RBMS3: variants seen among roughly 807,000 people sequenced by gnomAD.
RBMS3 encodes the protein RNA binding motif single stranded interacting protein 3.
A neutral mutation model predicts 66.8 loss-of-function variants in RBMS3; 27 were observed. The observed-to-expected ratio is 0.40, with a 90% CI of 0.30 to 0.56. The LOEUF is 0.56. Ranked by LOEUF, RBMS3 falls within the 20% of genes least tolerant of loss-of-function variation. RBMS3 has a pLI of 0.40. For missense variants in RBMS3, 513 were observed against 549.5 expected (o/e 0.93, Z 0.66); for synonymous variants, 188 against 183.0 (o/e 1.03, Z -0.22).
chr3:29,359,623 T>A (rs891569251), intron 1 of RBMS3, among the ~76,000 whole-genome samples: 16 of 152,120 alleles, frequency 1.1e-4, no homozygotes, highest in Non-Finnish European at 2.1e-4. Context: ...AAGGAATGGT[T>A]CCAGCTCCTT....
chr3:29,941,480 C>T (rs1033141326), intron 11 of RBMS3, among the ~76,000 whole-genome samples: 7 of 151,580 alleles, frequency 4.6e-5, no homozygotes, highest in African/African-American at 1.7e-4. Context: ...TTAATTAAAA[C>T]ACTCAAATAC....
chr3:29,515,564 C>T (rs568118395), intron 3 of RBMS3, among the ~76,000 whole-genome samples: 23 of 152,164 alleles, frequency 1.5e-4, no homozygotes, highest in Non-Finnish European at 2.6e-4. Context: ...AGGATGTATC[C>T]TTTCTCTTGC....
At chr3:29,688,471 C>T (rs1447743519) in intron 4 of RBMS3, among the ~76,000 whole-genome samples, 1 of 151,286 alleles carries the variant, frequency 6.6e-6, no homozygotes, top group Non-Finnish European at 1.5e-5. Flanking sequence ...GAGGGTAGAT[C>T]CCACATTGTG....
intron 10 of RBMS3, among the ~76,000 whole-genome samples, chr3:29,917,961 A>G (rs1344705281): frequency 1.3e-5 from 2 of 152,148 alleles, no homozygotes; most frequent in African/African-American, 2.4e-5. Flanking sequence ...TCATGAGGCA[A>G]TTATATAATA....
chr3:29,760,372 G>A (rs965654117), intron 5 of RBMS3, among the ~76,000 whole-genome samples: 2 of 151,904 alleles, frequency 1.3e-5, no homozygotes, highest in Non-Finnish European at 2.9e-5. Context: ...TAGGACTCTT[G>A]CAAGCAAGCT....
At chr3:29,577,695 G>A (rs2047168815) in intron 3 of RBMS3, among the ~76,000 whole-genome samples, 1 of 152,174 alleles carries the variant, frequency 6.6e-6, no homozygotes, top group South Asian at 2.1e-4. Flanking sequence ...CTGTGGCAGG[G>A]CAGCACTGAG....
At chr3:29,924,232 A>G (rs759216937) in intron 10 of RBMS3, among the ~76,000 whole-genome samples, 21 of 152,162 alleles carry the variant, frequency 1.4e-4, no homozygotes, top group Non-Finnish European at 2.8e-4. Context: ...CACCGGAAAA[A>G]TGGATGTCAC....
At chr3:29,964,210 A>G (rs1696675308) in intron 12 of RBMS3, among the ~76,000 whole-genome samples, 1 of 152,360 alleles carries the variant, frequency 6.6e-6, no homozygotes, top group Non-Finnish European at 1.5e-5. Flanking sequence ...AATTATGTGA[A>G]GTATCTAATA....
chr3:29,846,811 A>C (rs1265778950), intron 6 of RBMS3, among the ~76,000 whole-genome samples: 2 of 152,168 alleles, frequency 1.3e-5, no homozygotes, highest in Non-Finnish European at 2.9e-5. Flanking sequence ...CGCCCAAATG[A>C]ATTGATTAGC....
At chr3:29,464,787 C>G (rs923349625) in intron 2 of RBMS3, among the ~76,000 whole-genome samples, 1 of 152,170 alleles carries the variant, frequency 6.6e-6, no homozygotes, top group Admixed American at 6.5e-5. Flanking sequence ...TGTTCACCCC[C>G]ACCTTATTCC....
At chr3:29,862,042 G>C (rs2059229017) in intron 6 of RBMS3, among the ~76,000 whole-genome samples, 1 of 152,102 alleles carries the variant, frequency 6.6e-6, no homozygotes, top group African/African-American at 2.4e-5. Context: ...CCTACAGTAA[G>C]GAAATTGTAA....
intron 4 of RBMS3, among the ~76,000 whole-genome samples, chr3:29,625,280 C>T (rs2049018053): frequency 6.6e-6 from 1 of 152,072 alleles, no homozygotes. Flanking sequence ...CAAGCTGTGG[C>T]ATTACTTACC....
chr3:29,968,067 G>A (rs968156863), intron 12 of RBMS3, among the ~76,000 whole-genome samples: 6 of 152,116 alleles, frequency 3.9e-5, no homozygotes, highest in African/African-American at 1.4e-4. Flanking sequence ...TAGAATGTCA[G>A]TTTGTGCTAT....
intron 4 of RBMS3, among the ~76,000 whole-genome samples, chr3:29,713,282 C>G (rs957912153): frequency 1.3e-5 from 2 of 152,106 alleles, no homozygotes; most frequent in African/African-American, 4.8e-5. Context: ...GCCCTCTGTT[C>G]CCATATAAGG....
intron 6 of RBMS3, among the ~76,000 whole-genome samples, chr3:29,834,501 CTT>C (rs2058455447): frequency 6.6e-6 from 1 of 151,832 alleles, no homozygotes. Context: ...ACAATAAAAA[CTT>C]AGAATTGGGT....
At chr3:29,436,356 C>T (rs2041403261) in intron 2 of RBMS3, among the ~76,000 whole-genome samples, 2 of 151,998 alleles carry the variant, frequency 1.3e-5, no homozygotes, top group African/African-American at 2.4e-5. Context: ...GGTTGGAGTC[C>T]CCTGTTGCTA....
intron 8 of RBMS3, 153 bp downstream of exon 8, chr3:29,884,361 T>C: frequency 1.5e-6 from 1 of 678,820 alleles, no homozygotes; most frequent in Non-Finnish European, 2.4e-6. Flanking sequence ...ATAGTTTTTT[T>C]CATCCTATAA....
chr3:29,598,004 C>A (rs1426577150), intron 4 of RBMS3, among the ~76,000 whole-genome samples: 1 of 152,028 alleles, frequency 6.6e-6, no homozygotes, highest in African/African-American at 2.4e-5. Context: ...AGGTAAATTT[C>A]TTGTAAGATG....
chr3:29,393,288 A>T (rs2039393432), intron 1 of RBMS3, among the ~76,000 whole-genome samples: 1 of 152,242 alleles, frequency 6.6e-6, no homozygotes. Flanking sequence ...CCAGGATATG[A>T]TACCAATATG....
Sources: gnomAD v4.1 joint callset for allele counts (sites outside exome capture counted in the v4.1 genomes callset) on GRCh38, gnomAD v4.1.1 for gene constraint, MANE v1.5 for transcripts, NCBI Gene and HGNC (gene_info 2026-07-23, HGNC 2026-07-21) for gene names.